Variants in TMEM117 observed in about 807,000 individuals in gnomAD.
The protein encoded by TMEM117 is transmembrane protein 117.
In TMEM117, 27 loss-of-function variants were observed where a neutral mutation model predicts 52.4. The observed-to-expected ratio is 0.51, with a 90% CI of 0.38 to 0.71. TMEM117 has a LOEUF of 0.71. TMEM117 is among the 30% of genes least tolerant of loss of function. The probability of loss-of-function intolerance (pLI) is 0.00; values close to 1 mark genes in which losing one functional copy is unlikely to be tolerated. For synonymous variants in TMEM117, 215 were observed against 206.3 expected (o/e 1.04, Z -0.36); for missense variants, 556 against 630.5 (o/e 0.88, Z 1.26).
intron 2 of TMEM117, among the ~76,000 whole-genome samples, chr12:43,882,539 T>C (rs1478952413): frequency 6.6e-6 from 1 of 152,102 alleles, no homozygotes; most frequent in African/African-American, 2.4e-5. Context: ...ACCCCATATT[T>C]TGAGGACAGT....
intron 6 of TMEM117, among the ~76,000 whole-genome samples, chr12:44,311,093 C>CTA (rs1415137384): frequency 3.9e-5 from 6 of 152,032 alleles, no homozygotes; most frequent in African/African-American, 1.4e-4. Context: ...TCCTATAAAA[C>CTA]TATATCACTA....
intron 5 of TMEM117, among the ~76,000 whole-genome samples, chr12:44,268,366 A>G (rs1285218367): frequency 4.6e-5 from 7 of 151,112 alleles, no homozygotes; most frequent in Non-Finnish European, 1.0e-4. Flanking sequence ...CTGGTCTCGA[A>G]CTCCTGACCT....
At chr12:44,116,929 C>G (rs964241893) in intron 3 of TMEM117, among the ~76,000 whole-genome samples, 1 of 152,240 alleles carries the variant, frequency 6.6e-6, no homozygotes, top group African/African-American at 2.4e-5. Flanking sequence ...TTTATCTCAT[C>G]GTAACCTTAT....
Position 44,324,312 on chromosome 12 carries a change from T to A in TMEM117, c.768+24573T>A, listed in dbSNP as rs535824177. Among the ~76,000 whole-genome samples, 17 of 152,164 alleles carry A rather than the reference T, an allele frequency of 1.1e-4. No individual in the cohort carries two copies. The East Asian group carries it at 2.9e-3, about 26-fold the overall frequency. On this transcript the variant is annotated intron_variant, in intron 6 of 7. Coordinates refer to ENST00000266534, the MANE Select transcript of TMEM117 (RefSeq NM_032256.3). ...GATGATACTATTATTAGTAGTACTA[T>A]TTTCACCATCTTCAATATCATTACT... is the stretch of plus-strand genomic sequence containing the variant.
chr12:43,877,706 T>A (rs951066843), intron 2 of TMEM117, among the ~76,000 whole-genome samples: 15 of 151,956 alleles, frequency 9.9e-5, no homozygotes, highest in African/African-American at 3.4e-4. Flanking sequence ...AGCTAATAGC[T>A]GAAATCAGTG....
chr12:43,950,602 G>A (rs750787995), intron 3 of TMEM117, among the ~76,000 whole-genome samples: 11 of 151,628 alleles, frequency 7.3e-5, no homozygotes, highest in South Asian at 4.2e-4. Context: ...ATAATTGGTC[G>A]CAGCCAATGC....
intron 4 of TMEM117, among the ~76,000 whole-genome samples, chr12:44,145,114 G>A (rs974882344): frequency 1.1e-4 from 16 of 152,106 alleles, no homozygotes; most frequent in African/African-American, 3.9e-4. Flanking sequence ...CCGAGATCGC[G>A]CCACTGAACT....
At chr12:44,009,381 G>A (rs1417166647) in intron 3 of TMEM117, 1 of 200,336 alleles carries the variant, frequency 5.0e-6, no homozygotes, top group East Asian at 1.7e-4. Flanking sequence ...GTCTTCTCAG[G>A]AGGATGCAAT....
intron 5 of TMEM117, among the ~76,000 whole-genome samples, chr12:44,246,878 G>A (rs1471608360): frequency 3.3e-5 from 5 of 152,150 alleles, no homozygotes; most frequent in Admixed American, 3.3e-4. Context: ...CCAGTGAGCC[G>A]ATGCTTGATG....
chr12:43,939,759 T>C (rs1030220742), intron 2 of TMEM117, among the ~76,000 whole-genome samples: 14 of 152,232 alleles, frequency 9.2e-5, no homozygotes, highest in African/African-American at 3.4e-4. Flanking sequence ...AAGCCATGTG[T>C]ATTAGTCTGT....
chr12:43,967,788 A>C (rs532328341), intron 3 of TMEM117, among the ~76,000 whole-genome samples: 1 of 152,220 alleles, frequency 6.6e-6, no homozygotes, highest in African/African-American at 2.4e-5. Context: ...AAACTGATAC[A>C]TTTGGTGATA....
chr12:44,319,048 C>T (rs777152616), intron 6 of TMEM117, among the ~76,000 whole-genome samples: 3 of 152,280 alleles, frequency 2.0e-5, no homozygotes, highest in South Asian at 2.1e-4. Context: ...GAACTACACA[C>T]GGGGAGCACA....
chr12:43,809,795 C>T, the TMEM117 span, among the ~76,000 whole-genome samples: 32 of 152,148 alleles, frequency 2.1e-4, no homozygotes, highest in African/African-American at 7.7e-4. Context: ...AAGCAACATA[C>T]CTTGACTGAA....
chr12:43,800,374 T>C, the TMEM117 span: 1 of 1,249,802 alleles, frequency 8.0e-7, no homozygotes, highest in South Asian at 1.3e-5. Context: ...ACCCATTACC[T>C]AGGAGTTCCT....
chr12:43,999,322 A>G (rs73286254), intron 3 of TMEM117, among the ~76,000 whole-genome samples: 4,676 of 152,032 alleles, frequency 0.031, 170 homozygotes, highest in African/African-American at 0.083. Flanking sequence ...ATATAAATAG[A>G]AAAACTTTCT....
In TMEM117 at chr12:43,947,526, G is replaced by A. The variant is rs76931471; in HGVS notation, c.410+3184G>A. ...CCTAGAAGACACCATGTTTTCTGAGGTATTGCTTCATCCCATGTAGCACAG... is the reference window on the plus strand; with the variant it reads ...CCTAGAAGACACCATGTTTTCTGAGATATTGCTTCATCCCATGTAGCACAG... On this transcript the variant is annotated intron_variant, in intron 3 of 7. Transcript: ENST00000266534. Among the ~76,000 whole-genome samples, 15 of 152,262 alleles carry A rather than the reference G, an allele frequency of 9.9e-5. No individual in the cohort carries two copies. The East Asian group carries it at 2.9e-3, about 29-fold the overall frequency.
chr12:43,992,817 C>T (rs1282221959), intron 3 of TMEM117, among the ~76,000 whole-genome samples: 1 of 152,110 alleles, frequency 6.6e-6, no homozygotes, highest in Non-Finnish European at 1.5e-5. Flanking sequence ...GTTTATATGC[C>T]AACTCCAAGA....
At chr12:43,900,111 C>T (rs2137502569) in intron 2 of TMEM117, among the ~76,000 whole-genome samples, 1 of 152,308 alleles carries the variant, frequency 6.6e-6, no homozygotes, top group Middle Eastern at 3.4e-3. Context: ...TCTGATCCTC[C>T]AAACTACAGT....
At chr12:43,810,347 G>C in the TMEM117 span, among the ~76,000 whole-genome samples, 1 of 152,106 alleles carries the variant, frequency 6.6e-6, no homozygotes, top group Admixed American at 6.6e-5. Flanking sequence ...CTCTGTCTTT[G>C]CTAGTGATGC....
Sources: gnomAD v4.1 joint callset for allele counts (sites outside exome capture counted in the v4.1 genomes callset) on GRCh38, gnomAD v4.1.1 for gene constraint, MANE v1.5 for transcripts, NCBI Gene and HGNC (gene_info 2026-07-23, HGNC 2026-07-21) for gene names.